The following MYO1F variants were observed in gnomAD, a reference collection of about 807,000 sequenced individuals.
MYO1F encodes the protein myosin IF, also known as unconventional myosin-If.
In MYO1F, 60 loss-of-function variants were observed where a neutral mutation model predicts 146.6. The observed-to-expected ratio is 0.41, with a 90% CI of 0.33 to 0.51. The LOEUF is 0.51. Ranked by LOEUF, MYO1F falls within the 20% of genes least tolerant of loss-of-function variation. The pLI is 0.25. For synonymous variants in MYO1F, 602 were observed against 602.1 expected, an observed-to-expected ratio of 1.00 and a Z score of 0.00; for missense variants, 1,274 against 1,534.3, an observed-to-expected ratio of 0.83 and a Z score of 2.83.
Position 8,554,695 on chromosome 19 carries a change from G to A in MYO1F, c.190C>T (p.Pro64Ser), listed in dbSNP as rs768454871. 1 of 1,613,902 alleles carries A rather than the reference G, an allele frequency of 6.2e-7. No homozygotes were observed. Among genetic ancestry groups the A allele is most frequent in the East Asian group, 2.2e-5 (1 of 44,840 alleles). The change falls in exon 3 of 28, where the codon CCC (proline) becomes TCC (serine). Residue 64 changes from proline to serine, a missense_variant. This residue lies in a region of MYO1F where 900 missense variants were observed against 1,155.1 expected (regional missense o/e 0.78). Coordinates refer to ENST00000644032, the MANE Select transcript of MYO1F (RefSeq NM_012335.4). ...TCGATCTCACGGTCGGTGAAGTAGG[G>A]CATCTGCTTGAAGGGGTTTACAGAG... ...LISVNPFKQM[P>S]YFTDREIDLY...
chr19:8,521,662 G>A, intron 27 of MYO1F, 58 bp from the exon 28 acceptor site: 2 of 1,513,884 alleles, frequency 1.3e-6, no homozygotes, highest in South Asian at 1.1e-5. Flanking sequence ...AAGCTCTCAT[G>A]CCTGGTCTGT....
intron 27 of MYO1F, among the ~76,000 whole-genome samples, chr19:8,522,084 G>A (rs867988317): frequency 4.0e-5 from 6 of 149,540 alleles, no homozygotes; most frequent in South Asian, 2.1e-4. Context: ...GTGTGTTGGC[G>A]CAATCTCGGC....
At chr19:8,550,835 G>A (rs779415968) in intron 8 of MYO1F, 141 bp from the exon 9 acceptor site, 499 of 1,074,386 alleles carry the variant, frequency 4.6e-4, no homozygotes, top group Non-Finnish European at 6.5e-4. Flanking sequence ...GTCACTTGCC[G>A]CGTGACCTTG....
intron 1 of MYO1F, among the ~76,000 whole-genome samples, chr19:8,566,030 G>A (rs1375538581): frequency 6.6e-6 from 1 of 152,066 alleles, no homozygotes; most frequent in East Asian, 1.9e-4. Flanking sequence ...GATCACTTGA[G>A]CCCAGGAGTT....
chr19:8,555,415 A>T, intron 2 of MYO1F: 1 of 387,574 alleles, frequency 2.6e-6, no homozygotes, highest in Non-Finnish European at 4.7e-6. Context: ...AAGAACAAAC[A>T]GGGTTGGATC....
chr19:8,551,025 C>T (rs954986543), intron 8 of MYO1F, among the ~76,000 whole-genome samples: 5 of 150,318 alleles, frequency 3.3e-5, no homozygotes, highest in African/African-American at 4.9e-5. Context: ...GGATTACAGG[C>T]GTGAGCGTCG....
chr19:8,550,043 T>C, intron 10 of MYO1F, 117 bp downstream of exon 10: 1 of 1,213,336 alleles, frequency 8.2e-7, no homozygotes, highest in South Asian at 1.3e-5. Context: ...CAAAGAATGC[T>C]CCCAACTCAG....
rs3213834 is a variant in MYO1F, at chr19:8,530,370, G to A, written c.2159-5C>T. On this transcript the variant is annotated splice_region_variant and splice_polypyrimidine_tract_variant and intron_variant, in intron 20 of 27. Transcript: ENST00000644032. This position sits in a 1 kb window ranked among gnomAD's most constrained non-coding sequence, Gnocchi z 5.8. ...TGTTCAGCAGGATGTTGGAAGCTGC[G>A]GGGACAGAGGGTGGAGGGCAGAGCT... The A allele has an allele frequency of 2.3e-3, 3,752 of 1,614,040 alleles. 116 individuals carry two copies. In the East Asian group the frequency reaches 0.068, roughly 29 times the overall value.
chr19:8,530,286 C>T lies in MYO1F; in HGVS notation c.2238G>A (p.Leu746=). The T allele has an allele frequency of 6.2e-7, 1 of 1,614,172 alleles. No individual in the cohort carries two copies. ...ACTGACGCAGCTCGGGCCGCTCCTC[C>T]AGCCCCAGGTAGTCCCCGACGAAGT... ...NRNFVGDYLG[L]EERPELRQFL... The change falls in exon 21 of 28, where the codon CTG becomes CTA. Residue 746 remains leucine, a synonymous_variant. Transcript: ENST00000644032. This position sits in a 1 kb window ranked among gnomAD's most constrained non-coding sequence, Gnocchi z 5.8.
intron 1 of MYO1F, among the ~76,000 whole-genome samples, chr19:8,559,336 T>TGGGGG (rs1156978401): frequency 2.0e-3 from 44 of 21,846 alleles, no homozygotes; most frequent in African/African-American, 3.7e-3. Context: ...CTTGAGGGGG[T>TGGGGG]GGGGGGTGGG....
chr19:8,541,721 G>T (rs1032012942), intron 15 of MYO1F, 185 bp downstream of exon 15: 19 of 643,842 alleles, frequency 3.0e-5, no homozygotes, highest in Non-Finnish European at 5.1e-5. Flanking sequence ...GAGCCACTGC[G>T]CCCGGCCTCT....
At chr19:8,527,707 G>T (rs918164811) in intron 21 of MYO1F, among the ~76,000 whole-genome samples, 1 of 152,146 alleles carries the variant, frequency 6.6e-6, no homozygotes, top group Non-Finnish European at 1.5e-5. Context: ...CCCCCTCCTG[G>T]GCTTGAGTGA....
intron 7 of MYO1F, 69 bp downstream of exon 7, chr19:8,551,964 T>C: frequency 6.2e-7 from 1 of 1,613,822 alleles, no homozygotes; most frequent in Non-Finnish European, 8.5e-7. Context: ...CCCTAGGTGT[T>C]TACCTTCCCA....
chr19:8,536,155 C>G, intron 19 of MYO1F, 97 bp downstream of exon 19: 1 of 1,429,872 alleles, frequency 7.0e-7, no homozygotes, highest in Non-Finnish European at 9.6e-7. Context: ...CTCTCAATCT[C>G]TGTCTCCCTC....
rs1273083369 is a variant in MYO1F, at chr19:8,522,704, G to A, written c.2980C>T (p.Arg994Ter). The A allele has an allele frequency of 2.5e-6, 4 of 1,613,884 alleles. No individual in the cohort carries two copies. Among genetic ancestry groups the A allele is most frequent in the South Asian group, 1.1e-5 (1 of 91,080 alleles). Residue 994 changes from arginine (R) to a stop codon, truncating the protein, a stop_gained, in exon 26 of 28, where the codon CGA (arginine) becomes TGA (stop). Transcript: ENST00000644032. LOFTEE classifies it high-confidence loss of function. ...PPSTSLGASRRPRARPPSEHN... is the reference protein window; with the variant it reads ...PPSTSLGASR ...TCTGAGGGCGGACGTGCCCGGGGTC[G>A]TCTGCTGGCTCCCAGGGATGTGGAC...
intron 1 of MYO1F, among the ~76,000 whole-genome samples, chr19:8,564,405 G>A (rs1328985063): frequency 1.3e-5 from 2 of 151,908 alleles, no homozygotes; most frequent in Non-Finnish European, 2.9e-5. Context: ...AAAGAAGGAG[G>A]TGCTGACTGG....
At chr19:8,563,354 G>A (rs1425269293) in intron 1 of MYO1F, among the ~76,000 whole-genome samples, 1 of 148,026 alleles carries the variant, frequency 6.8e-6, no homozygotes, top group Non-Finnish European at 1.5e-5. Context: ...CTGGAGTGCA[G>A]TGGTGAGATC....
intron 22 of MYO1F, 41 bp from the exon 23 acceptor site, chr19:8,526,976 G>A: frequency 6.2e-7 from 1 of 1,609,834 alleles, no homozygotes; most frequent in Non-Finnish European, 8.5e-7. Context: ...GGACACAGGT[G>A]AGGGCGACAG....
chr19:8,565,569 AAAAT>A (rs1434797148), intron 1 of MYO1F, among the ~76,000 whole-genome samples: 1 of 151,962 alleles, frequency 6.6e-6, no homozygotes, highest in African/African-American at 2.4e-5. Flanking sequence ...TAAAAATTAA[AAAAT>A]AAATAATTGT....
Sources: gnomAD v4.1 joint callset for allele counts (sites outside exome capture counted in the v4.1 genomes callset) on GRCh38, gnomAD v4.1.1 for gene constraint, gnomAD v4.1.1 regional missense constraint, Gnocchi (gnomAD v3.1) non-coding constraint, MANE v1.5 for transcripts, NCBI Gene and HGNC (gene_info 2026-07-23, HGNC 2026-07-21) for gene names.